NRXN2: variants seen among roughly 807,000 people sequenced by gnomAD.
NRXN2 encodes the protein neurexin 2.
NRXN2 carries 29 observed loss-of-function variants against 128.8 expected under a neutral mutation model. That is an observed-to-expected ratio of 0.23 (90% confidence interval 0.17 to 0.31). The LOEUF (loss-of-function observed/expected upper bound fraction) is 0.31. Among genes scored for constraint, NRXN2 ranks in the 10% least tolerant of loss-of-function variants. The pLI is 1.00. For synonymous variants in NRXN2, 1,098 were observed against 1,075.2 expected, an observed-to-expected ratio of 1.02 and a Z score of -0.41; for missense variants, 1,881 against 2,452.6, an observed-to-expected ratio of 0.77 and a Z score of 4.92.
At position 64,650,435 on chromosome 11, in the gene NRXN2, G is replaced by A. The variant is rs745916495; in HGVS notation, c.3109+13C>T. On this transcript the variant is annotated intron_variant, in intron 15 of 22. Coordinates refer to ENST00000265459, the MANE Select transcript of NRXN2 (RefSeq NM_015080.4). ...GGCTAGGGCCAGGCCTTCTCCAGAG[G>A]CCCCAGCCCCACCTTTGAGATCGAG... is the stretch of plus-strand genomic sequence containing the variant. 6.8e-6 allele frequency: 11 copies of A among 1,613,998 alleles called. No individual in the cohort carries two copies. The Admixed American group carries it at 1.5e-4, about 22-fold the overall frequency.
At chr11:64,676,127 G>A (rs1246893825) in intron 7 of NRXN2, 2 of 152,642 alleles carry the variant, frequency 1.3e-5, no homozygotes, top group African/African-American at 4.8e-5. Flanking sequence ...GCAGGCAGCG[G>A]GCAGAGAGGG....
chr11:64,640,690 G>T (rs1047165112), intron 17 of NRXN2, among the ~76,000 whole-genome samples: 1 of 152,118 alleles, frequency 6.6e-6, no homozygotes, highest in Non-Finnish European at 1.5e-5. Flanking sequence ...AACTGTATTC[G>T]GGATGAGAGA....
intron 2 of NRXN2, among the ~76,000 whole-genome samples, chr11:64,705,123 G>A (rs572408401): frequency 2.0e-5 from 3 of 152,288 alleles, no homozygotes; most frequent in Admixed American, 6.5e-5. Context: ...TAGCTTAAGG[G>A]AGAAGGTGTG....
chr11:64,673,317 A>G (rs2050865967), intron 7 of NRXN2, among the ~76,000 whole-genome samples: 2 of 152,184 alleles, frequency 1.3e-5, no homozygotes, highest in African/African-American at 4.8e-5. Context: ...CAACCTTCTC[A>G]AGGTTGGCCT....
At chr11:64,642,676 A>G in intron 17 of NRXN2, 1 of 1,556,654 alleles carries the variant, frequency 6.4e-7, no homozygotes, top group Non-Finnish European at 8.7e-7. Flanking sequence ...CCCCAGCAGC[A>G]ACAGCAGCAA....
chr11:64,621,698 G>A (rs1411235992), intron 21 of NRXN2, among the ~76,000 whole-genome samples: 3 of 152,210 alleles, frequency 2.0e-5, no homozygotes, highest in Non-Finnish European at 1.5e-5. Flanking sequence ...GACAGAGGGT[G>A]CCTAACAGCC....
At chr11:64,616,169 TGTGA>T (rs959988466) in intron 22 of NRXN2, among the ~76,000 whole-genome samples, 1 of 152,308 alleles carries the variant, frequency 6.6e-6, no homozygotes, top group Non-Finnish European at 1.5e-5. Context: ...TCTGAACCCC[TGTGA>T]GTCTTACCCA....
intron 6 of NRXN2, among the ~76,000 whole-genome samples, chr11:64,679,184 T>G (rs1165407304): frequency 6.6e-6 from 1 of 152,224 alleles, no homozygotes; most frequent in Non-Finnish European, 1.5e-5. Context: ...CTGGTATCAC[T>G]GCACTAGTCG....
chr11:64,711,290 C>A (rs1592289440), intron 2 of NRXN2, among the ~76,000 whole-genome samples: 2 of 152,366 alleles, frequency 1.3e-5, no homozygotes, highest in Middle Eastern at 6.8e-3. Flanking sequence ...ACACACACAA[C>A]CGCTGAGTGG....
rs1163982514 is a variant in NRXN2 at position 64,713,436 on chromosome 11, C to T, written c.264G>A (p.Arg88=). The T allele has an allele frequency of 6.6e-7, 1 of 1,513,060 alleles. No homozygotes were observed. Among genetic ancestry groups the T allele is most frequent in the Non-Finnish European group, 8.8e-7 (1 of 1,138,376 alleles). 93.7% of individuals were successfully genotyped at this position (1,513,060 alleles called of 1,614,324 possible). ...CGGCGCACGAAAGCGTGAAGCGCAGCCGCAGGCGGCCGTCCACCAGCAGCA... is the reference window on the plus strand; with the variant it reads ...CGGCGCACGAAAGCGTGAAGCGCAGTCGCAGGCGGCCGTCCACCAGCAGCA... The part of the protein sequence containing the change: ...LELLLVDGRL[R]LRFTLSCAEP... The change falls in exon 2 of 23, where the codon CGG becomes CGA. Residue 88 remains arginine, a synonymous_variant. Transcript: ENST00000265459.
chr11:64,642,412 G>C (rs974198694), intron 17 of NRXN2: 116 of 1,346,958 alleles, frequency 8.6e-5, no homozygotes, highest in Non-Finnish European at 1.1e-4. Flanking sequence ...GCTCCGGGAC[G>C]CAAAGCAGAG....
intron 17 of NRXN2, among the ~76,000 whole-genome samples, chr11:64,646,785 C>T (rs982771412): frequency 7.1e-6 from 1 of 140,416 alleles, no homozygotes; most frequent in Non-Finnish European, 1.5e-5. Flanking sequence ...GGTCCAGCCA[C>T]AGCCAGGTCT....
At position 64,713,136 on chromosome 11, in the gene NRXN2, G is replaced by T. The variant is rs1415156376; in HGVS notation, c.564C>A (p.Pro188=). The part of the protein sequence containing the change: ...LLANLKLGER[P]PALLGSQGLR... ...GGCCCTGGCTGCCCAGCAGCGCGGG[G>T]GGCCGCTCGCCCAGCTTCAGGTTGG... Residue 188 remains proline, a synonymous_variant, in exon 2 of 23, where the codon CCC becomes CCA. Coordinates refer to ENST00000265459, the MANE Select transcript of NRXN2 (RefSeq NM_015080.4). 3.5e-6 allele frequency: 5 copies of T among 1,435,750 alleles called. No homozygotes were observed. Among genetic ancestry groups the T allele is most frequent in the South Asian group, 1.4e-5 (1 of 73,116 alleles). 88.9% of individuals were successfully genotyped at this position (1,435,750 alleles called of 1,614,324 possible).
Position 64,651,399 on chromosome 11 carries a change from C to T in NRXN2, c.2774G>A (p.Arg925His). 5 of 1,614,166 alleles carry T rather than the reference C, an allele frequency of 3.1e-6. No homozygotes were observed. The highest frequency in any genetic ancestry group is 4.2e-6 in the Non-Finnish European group (5 of 1,180,030). The change falls in exon 14 of 23, where the codon CGC becomes CAC. Residue 925 changes from arginine (R) to histidine (H), a missense_variant. Physicochemically the swap from Arg to His is conservative, Grantham distance 29. Coordinates refer to ENST00000265459, the MANE Select transcript of NRXN2 (RefSeq NM_015080.4). This position sits in a 1 kb window ranked among gnomAD's most constrained non-coding sequence, Gnocchi z 5.9. ...CGTGGCGAGTGCCAGGTAGCTGCTG[C>T]GACTCTTGAAGGTGACGGGATCGGC... Reference protein sequence around the residue: ...IVADPVTFKSRSSYLALATLQ... With the variant: ...IVADPVTFKSHSSYLALATLQ...
intron 21 of NRXN2, among the ~76,000 whole-genome samples, chr11:64,620,744 G>A (rs1055735011): frequency 1.0e-4 from 15 of 149,580 alleles, no homozygotes; most frequent in Admixed American, 1.0e-3. Context: ...CCTATGGGGC[G>A]GAGCCTGCAG....
intron 17 of NRXN2, among the ~76,000 whole-genome samples, chr11:64,646,932 C>G (rs1019945966): frequency 2.6e-5 from 4 of 152,106 alleles, no homozygotes; most frequent in African/African-American, 9.7e-5. Flanking sequence ...AAGGGCTGGA[C>G]ATGCCTAAGA....
rs2049464922 is a variant in NRXN2 at position 64,664,316 on chromosome 11, A to T, written c.1798+2934T>A. Among the ~76,000 whole-genome samples, 6 of 135,624 alleles carry T rather than the reference A, an allele frequency of 4.4e-5. No homozygotes were observed. The South Asian group carries it at 1.3e-3, about 30-fold the overall frequency. 89.0% of individuals were successfully genotyped at this position (135,624 alleles called of 152,430 possible). The stretch of plus-strand genomic sequence containing the variant: ...ACATGGTGAAACCCTGTCTCTAGTT[A>T]AAAAAAAAAAAAATTAGCTGGGCAT... On this transcript the variant is annotated intron_variant, in intron 9 of 22. Transcript: ENST00000265459.
At chr11:64,654,708 T>C (rs1337108929) in intron 11 of NRXN2, among the ~76,000 whole-genome samples, 1 of 152,128 alleles carries the variant, frequency 6.6e-6, no homozygotes. Context: ...TCCTATGAAG[T>C]CCAGATTTAA....
At position 64,660,428 on chromosome 11, in the gene NRXN2, C is replaced by T; in HGVS notation, c.2293G>A (p.Ala765Thr). Residue 765 changes from alanine (A) to threonine (T), a missense_variant, in exon 11 of 23, where the codon GCC becomes ACC. Ala to Thr is a moderately conservative substitution (Grantham distance 58). Coordinates refer to ENST00000265459, the MANE Select transcript of NRXN2 (RefSeq NM_015080.4). The surrounding 1 kb of genome is among the most constrained non-coding windows in gnomAD (Gnocchi z 5.2). ...GTGGTGGCCATCATGAGTCCGTAGG[C>T]CCGCTGGGACATGAAACGCAGGGAC... ...DVSLRFMSQR[A>T]YGLMMATTSR... 1 of 1,614,216 alleles carries T rather than the reference C, an allele frequency of 6.2e-7. No homozygotes were observed.
Sources: gnomAD v4.1 joint callset for allele counts (sites outside exome capture counted in the v4.1 genomes callset) on GRCh38, gnomAD v4.1.1 for gene constraint, Gnocchi (gnomAD v3.1) non-coding constraint, MANE v1.5 for transcripts, NCBI Gene and HGNC (gene_info 2026-07-23, HGNC 2026-07-21) for gene names.